GAS7: variants seen among roughly 807,000 people sequenced by gnomAD.
GAS7 encodes the protein growth arrest-specific protein 7.
In GAS7, 28 loss-of-function variants were observed where a neutral mutation model predicts 71.1. The ratio of observed to expected loss-of-function variants is 0.39; its 90% CI spans 0.29 to 0.54. The LOEUF is 0.54. Ranked by LOEUF, GAS7 falls within the 20% of genes least tolerant of loss-of-function variation. The pLI, the probability that GAS7 is intolerant of heterozygous loss-of-function variation, is 0.62. For synonymous variants in GAS7, 258 were observed against 245.8 expected (o/e 1.05, Z -0.46); for missense variants, 436 against 627.8 (o/e 0.69, Z 3.27).
intron 1 of GAS7, among the ~76,000 whole-genome samples, chr17:10,177,422 C>A (rs2074380992): frequency 6.6e-6 from 1 of 151,964 alleles, no homozygotes; most frequent in Non-Finnish European, 1.5e-5. Flanking sequence ...ACACTTCAAG[C>A]AATGGGGAGC....
At chr17:10,054,195 T>C (rs1257126624) in intron 1 of GAS7, among the ~76,000 whole-genome samples, 1 of 152,036 alleles carries the variant, frequency 6.6e-6, no homozygotes, top group African/African-American at 2.4e-5. Flanking sequence ...GCCCTCTTAC[T>C]TTCCTTCTTT....
At chr17:9,930,598 A>G (rs1206468382) in intron 9 of GAS7, among the ~76,000 whole-genome samples, 2 of 152,214 alleles carry the variant, frequency 1.3e-5, no homozygotes, top group African/African-American at 4.8e-5. Context: ...ATCTGTTGCT[A>G]TTAGCAATGG....
At chr17:9,987,402 A>G (rs188111096) in intron 2 of GAS7, among the ~76,000 whole-genome samples, 1 of 152,370 alleles carries the variant, frequency 6.6e-6, no homozygotes, top group African/African-American at 2.4e-5. Flanking sequence ...AAACCAGTCT[A>G]AGGGAGGTAC....
intron 1 of GAS7, among the ~76,000 whole-genome samples, chr17:10,049,830 C>A (rs1363004465): frequency 1.3e-5 from 2 of 151,920 alleles, no homozygotes; most frequent in Admixed American, 6.5e-5. Flanking sequence ...CCATGTTGGC[C>A]AGGCTGGTCT....
chr17:10,043,452 T>C (rs762159676), intron 1 of GAS7, among the ~76,000 whole-genome samples: 4 of 152,144 alleles, frequency 2.6e-5, no homozygotes, highest in Non-Finnish European at 5.9e-5. Flanking sequence ...CCCATGTGGT[T>C]GAAAATCTGT....
chr17:9,990,381 C>T (rs1597625708), intron 2 of GAS7, among the ~76,000 whole-genome samples: 4 of 152,308 alleles, frequency 2.6e-5, no homozygotes, highest in Admixed American at 2.6e-4. Context: ...AGCGAGCGAG[C>T]CAGGGGAAAG....
chr17:10,137,735 T>G (rs1471553648), intron 1 of GAS7, among the ~76,000 whole-genome samples: 1 of 151,926 alleles, frequency 6.6e-6, no homozygotes, highest in African/African-American at 2.4e-5. Flanking sequence ...GAGACGGGGT[T>G]TTGCCATGTT....
At chr17:10,122,106 A>C (rs1597804622) in intron 1 of GAS7, among the ~76,000 whole-genome samples, 3 of 152,248 alleles carry the variant, frequency 2.0e-5, no homozygotes, top group Admixed American at 2.0e-4. Flanking sequence ...ATGTAAACAG[A>C]GGGAGGACAC....
chr17:10,132,696 A>C (rs2074006410), intron 1 of GAS7, among the ~76,000 whole-genome samples: 2 of 152,062 alleles, frequency 1.3e-5, no homozygotes, highest in African/African-American at 4.8e-5. Context: ...TGAACCCAGG[A>C]GGCGGAGGGT....
At chr17:10,027,342 A>G (rs1317979153) in intron 1 of GAS7, among the ~76,000 whole-genome samples, 2 of 152,204 alleles carry the variant, frequency 1.3e-5, no homozygotes, top group Non-Finnish European at 2.9e-5. Context: ...GCAGACAGGG[A>G]ATGGGAGTGG....
intron 1 of GAS7, among the ~76,000 whole-genome samples, chr17:10,043,671 T>C (rs756911747): frequency 2.0e-5 from 3 of 152,092 alleles, no homozygotes; most frequent in Admixed American, 6.5e-5. Context: ...TCCCAACACC[T>C]TGGGAGGCTG....
At chr17:10,009,979 T>G (rs890048503) in intron 2 of GAS7, among the ~76,000 whole-genome samples, 18 of 152,120 alleles carry the variant, frequency 1.2e-4, no homozygotes, top group African/African-American at 4.3e-4. Flanking sequence ...CTTAAGTCAC[T>G]GCCACCCATG....
intron 1 of GAS7, among the ~76,000 whole-genome samples, chr17:10,106,713 C>T (rs2073759882): frequency 6.6e-6 from 1 of 152,110 alleles, no homozygotes; most frequent in Admixed American, 6.5e-5. Flanking sequence ...TGGCGAATAA[C>T]GTCCTCTCAC....
At chr17:9,991,996 T>G (rs1480438989) in intron 2 of GAS7, among the ~76,000 whole-genome samples, 1 of 152,172 alleles carries the variant, frequency 6.6e-6, no homozygotes, top group Non-Finnish European at 1.5e-5. Flanking sequence ...TGGAGCCACT[T>G]GTTAGAAATA....
intron 1 of GAS7, among the ~76,000 whole-genome samples, chr17:10,115,217 A>C (rs895045465): frequency 3.3e-5 from 5 of 152,260 alleles, no homozygotes; most frequent in African/African-American, 7.2e-5. Context: ...TCTCTGAGCG[A>C]GAGCCTGGGC....
At chr17:10,045,216 C>A (rs1464844986) in intron 1 of GAS7, among the ~76,000 whole-genome samples, 4 of 152,120 alleles carry the variant, frequency 2.6e-5, no homozygotes, top group African/African-American at 9.7e-5. Flanking sequence ...GAAGCAAGAT[C>A]TTTAGATAAG....
chr17:10,115,559 C>T (rs2073853364), intron 1 of GAS7, among the ~76,000 whole-genome samples: 1 of 152,214 alleles, frequency 6.6e-6, no homozygotes, highest in African/African-American at 2.4e-5. Flanking sequence ...CCTCTCTCAT[C>T]CCTCCTTGCC....
At chr17:9,953,285 G>A (rs1337841521) in intron 5 of GAS7, among the ~76,000 whole-genome samples, 2 of 152,146 alleles carry the variant, frequency 1.3e-5, no homozygotes, top group African/African-American at 4.8e-5. Context: ...GCAGTAGAAT[G>A]TGAGGACTCA....
chr17:10,078,078 T>TGTGC, intron 1 of GAS7, among the ~76,000 whole-genome samples: 1 of 138,968 alleles, frequency 7.2e-6, no homozygotes, highest in East Asian at 2.0e-4. Context: ...TGTGTGTGTG[T>TGTGC]GTTTTGTTTT....
Sources: allele counts gnomAD v4.1 joint callset (sites outside exome capture counted in the v4.1 genomes callset), GRCh38; gene constraint gnomAD v4.1.1; transcripts MANE v1.5; gene names NCBI Gene and HGNC (gene_info 2026-07-23, HGNC 2026-07-21).